The following BRINP2 variants were observed in gnomAD, a reference collection of about 807,000 sequenced individuals.
BRINP2 encodes the protein BMP/retinoic acid inducible neural specific 2.
Under a neutral mutation model 69.2 loss-of-function variants are expected in BRINP2, and 21 were observed. The observed-to-expected ratio is 0.30, with a 90% CI of 0.22 to 0.44. BRINP2 has a LOEUF of 0.44. Ranked by LOEUF, BRINP2 falls within the 20% of genes least tolerant of loss-of-function variation. The pLI, the probability that BRINP2 is intolerant of heterozygous loss-of-function variation, is 1.00. For missense variants in BRINP2, 877 were observed against 986.0 expected (o/e 0.89, Z 1.48); for synonymous variants, 380 against 394.1 (o/e 0.96, Z 0.42).
intron 1 of BRINP2, among the ~76,000 whole-genome samples, chr1:177,207,400 G>A (rs1649097618): frequency 6.6e-6 from 1 of 152,126 alleles, no homozygotes; most frequent in Admixed American, 6.6e-5. Flanking sequence ...GAGTAGGGTT[G>A]CTGAAAACAA....
At chr1:177,172,634 G>T (rs1345358947) in intron 1 of BRINP2, among the ~76,000 whole-genome samples, 1 of 152,114 alleles carries the variant, frequency 6.6e-6, no homozygotes, top group East Asian at 1.9e-4. Flanking sequence ...CAGTCCCTCT[G>T]CATGGTACAT....
intron 1 of BRINP2, among the ~76,000 whole-genome samples, chr1:177,227,093 A>G (rs1485563460): frequency 6.6e-6 from 1 of 152,198 alleles, no homozygotes; most frequent in African/African-American, 2.4e-5. Flanking sequence ...AATTCAACTG[A>G]TTAGCAACCA....
chr1:177,205,625 C>T (rs371327687), intron 1 of BRINP2, among the ~76,000 whole-genome samples: 30 of 152,226 alleles, frequency 2.0e-4, no homozygotes, highest in Non-Finnish European at 3.7e-4. Context: ...GCTGACCACA[C>T]AGGCAGGGCC....
At chr1:177,178,026 C>G (rs1648140838) in intron 1 of BRINP2, among the ~76,000 whole-genome samples, 1 of 152,162 alleles carries the variant, frequency 6.6e-6, no homozygotes, top group African/African-American at 2.4e-5. Context: ...GTAAATTGTC[C>G]TGGGCTCTGC....
chr1:177,250,184 T>C (rs1386643177), intron 2 of BRINP2, among the ~76,000 whole-genome samples: 2 of 152,234 alleles, frequency 1.3e-5, no homozygotes, highest in Non-Finnish European at 2.9e-5. Flanking sequence ...TAACTGGGAC[T>C]ACAGGCACTA....
Position 177,218,716 on chromosome 1 carries a change from T to C in BRINP2, c.-76-11085T>C, listed in dbSNP as rs549910343. On this transcript the variant is annotated intron_variant, in intron 1 of 7. Transcript: ENST00000361539. ...GAATTTCCTCTGTGTGGCACTGTGCTGACTTAGGGGAGAGAGGAAGGGCAA... is the reference window on the plus strand; with the variant it reads ...GAATTTCCTCTGTGTGGCACTGTGCCGACTTAGGGGAGAGAGGAAGGGCAA... Among the ~76,000 whole-genome samples the C allele has an allele frequency of 5.9e-5, 9 of 152,274 alleles. No homozygotes were observed. In the South Asian group the frequency reaches 1.9e-3, roughly 32 times the overall value.
chr1:177,281,652 T>C lies in BRINP2; in HGVS notation c.*124T>C. 7.5e-7 allele frequency: 1 copy of C among 1,327,528 alleles called. No individual in the cohort carries two copies. Among genetic ancestry groups the C allele is most frequent in the Non-Finnish European group, 1.0e-6 (1 of 979,642 alleles). The allele number at this position is 1,327,528 out of a possible 1,614,324, so 82.2% of individuals were successfully genotyped here. ...CACGAGACTTTCAGCATCCAGTAGA[T>C]GGGACCTCGAGGCTCGAGCTGAAGC... On this transcript the variant is annotated 3_prime_UTR_variant, in exon 8 of 8. Transcript: ENST00000361539.
chr1:177,280,818 A>C lies in BRINP2; in HGVS notation c.1642A>C (p.Lys548Gln). 1.2e-6 allele frequency: 2 copies of C among 1,614,072 alleles called. No homozygotes were observed. The highest frequency in any genetic ancestry group is 1.7e-6 in the Non-Finnish European group (2 of 1,179,974). ...LGSWFDPSWR[K>Q]RMLLTLKSNK... The stretch of plus-strand genomic sequence containing the variant: ...CAGCTGGTTTGACCCTTCCTGGAGG[A>C]AGCGCATGCTGCTCACCCTGAAGAG... Residue 548 changes from lysine to glutamine, a missense_variant, in exon 8 of 8, where the codon AAG (lysine) becomes CAG (glutamine). This residue lies in a region of BRINP2 where 86 missense variants were observed against 142.1 expected (regional missense o/e 0.61). Transcript: ENST00000361539.
chr1:177,193,543 T>C (rs999480371), intron 1 of BRINP2, among the ~76,000 whole-genome samples: 4 of 152,202 alleles, frequency 2.6e-5, no homozygotes, highest in African/African-American at 9.6e-5. Context: ...TCAGGAACCA[T>C]ATAATTGAAC....
intron 1 of BRINP2, among the ~76,000 whole-genome samples, chr1:177,176,457 CT>C (rs567449645): frequency 2.3e-4 from 34 of 151,054 alleles, no homozygotes; most frequent in Admixed American, 4.6e-4. Flanking sequence ...TCACCCATTT[CT>C]TTTTTATTTT....
chr1:177,215,215 T>C (rs1209189921), intron 1 of BRINP2, among the ~76,000 whole-genome samples: 1 of 152,232 alleles, frequency 6.6e-6, no homozygotes, highest in African/African-American at 2.4e-5. Flanking sequence ...TCCATTTGTG[T>C]TGTCACAAAT....
chr1:177,281,718 A>AG lies in BRINP2; in HGVS notation c.*190_*191insG. Reference sequence around the variant, plus strand: ...AGCTACTGCGTGCGTGCGCGCACGCATACACACACACACACACACACTGGC... The same window carrying AG: ...AGCTACTGCGTGCGTGCGCGCACGCAGTACACACACACACACACACACTGGC... On this transcript the variant is annotated 3_prime_UTR_variant, in exon 8 of 8. Transcript: ENST00000361539. 1.8e-5 allele frequency: 11 copies of AG among 624,080 alleles called. No homozygotes were observed. Among genetic ancestry groups the AG allele is most frequent in the Non-Finnish European group, 2.7e-5 (10 of 371,818 alleles). The allele number at this position is 624,080 out of a possible 1,614,324, so 38.7% of individuals were successfully genotyped here.
intron 1 of BRINP2, among the ~76,000 whole-genome samples, chr1:177,219,351 C>G (rs887277697): frequency 3.9e-5 from 6 of 152,136 alleles, no homozygotes; most frequent in Non-Finnish European, 8.8e-5. Context: ...AAGAGAGAGC[C>G]CTTTATCAAA....
At chr1:177,226,177 C>T (rs1460491666) in intron 1 of BRINP2, among the ~76,000 whole-genome samples, 1 of 152,354 alleles carries the variant, frequency 6.6e-6, no homozygotes, top group Middle Eastern at 3.4e-3. Flanking sequence ...GGGGTGACTA[C>T]ACCACCATAT....
chr1:177,172,331 A>G (rs1647960817), intron 1 of BRINP2, among the ~76,000 whole-genome samples: 1 of 152,192 alleles, frequency 6.6e-6, no homozygotes, highest in Non-Finnish European at 1.5e-5. Flanking sequence ...AGAGCACTGG[A>G]GACACTAGGG....
chr1:177,279,060 C>T (rs1651608003), intron 7 of BRINP2, among the ~76,000 whole-genome samples: 1 of 152,174 alleles, frequency 6.6e-6, no homozygotes, highest in Non-Finnish European at 1.5e-5. Flanking sequence ...TTACTGATTT[C>T]CATTTTAATA....
intron 2 of BRINP2, among the ~76,000 whole-genome samples, chr1:177,246,034 C>A (rs964060962): frequency 2.2e-4 from 34 of 152,220 alleles, no homozygotes; most frequent in Admixed American, 1.6e-3. Flanking sequence ...AAATTACCTC[C>A]ATGCCAGGCT....
intron 1 of BRINP2, among the ~76,000 whole-genome samples, chr1:177,189,506 T>C (rs971692617): frequency 5.3e-5 from 8 of 152,200 alleles, no homozygotes; most frequent in African/African-American, 1.9e-4. Flanking sequence ...GATGGCAAAT[T>C]ACCTCTGGGG....
rs1651596942 is a variant in BRINP2 at position 177,278,820 on chromosome 1, G to GCTGT, written c.1235+36_1235+37insTGTC. ...CCCTGGCTGCTACAGCCAGAGCTCA[G>GCTGT]CACCTCCCCTGACAGCTGCTGAGGC... On this transcript the variant is annotated intron_variant, in intron 7 of 7. Coordinates refer to ENST00000361539, the MANE Select transcript of BRINP2 (RefSeq NM_021165.4). 1.9e-6 allele frequency: 3 copies of GCTGT among 1,602,656 alleles called. No homozygotes were observed. In the South Asian group the frequency reaches 3.3e-5, roughly 18 times the overall value.
Sources: allele counts gnomAD v4.1 joint callset (sites outside exome capture counted in the v4.1 genomes callset), GRCh38; gene constraint gnomAD v4.1.1; regional missense constraint gnomAD v4.1.1; transcripts MANE v1.5; gene names NCBI Gene and HGNC (gene_info 2026-07-23, HGNC 2026-07-21).